FZD3: variants seen among roughly 807,000 people sequenced by gnomAD.
The protein encoded by FZD3 is frizzled-3.
A neutral mutation model predicts 60.7 loss-of-function variants in FZD3; 30 were observed. That is an observed-to-expected ratio of 0.49 (90% confidence interval 0.37 to 0.67). The LOEUF (loss-of-function observed/expected upper bound fraction) is 0.67, where lower values mean the gene tolerates loss of function less well. Ranked by LOEUF, FZD3 falls within the 30% of genes least tolerant of loss-of-function variation. FZD3 has a pLI of 0.00. For synonymous variants in FZD3, 246 were observed against 275.2 expected (o/e 0.89, Z 1.05); for missense variants, 605 against 838.7 (o/e 0.72, Z 3.44).
At chr8:28,500,819 G>A (rs1803970266) in intron 2 of FZD3, among the ~76,000 whole-genome samples, 1 of 151,994 alleles carries the variant, frequency 6.6e-6, no homozygotes, top group Admixed American at 6.6e-5. Context: ...GGAGTGCAAT[G>A]GCATGATCTC....
At chr8:28,530,501 A>T (rs1010582777) in intron 5 of FZD3, 1 of 152,170 alleles carries the variant, frequency 6.6e-6, no homozygotes, top group African/African-American at 2.4e-5. Context: ...GGATGGGAGC[A>T]GTGTGGCTAC....
chr8:28,523,680 T>A (rs1386544262), intron 4 of FZD3, among the ~76,000 whole-genome samples: 1 of 151,988 alleles, frequency 6.6e-6, no homozygotes, highest in Non-Finnish European at 1.5e-5. Context: ...TAAGCAGGCC[T>A]CCTAAAGTGC....
chr8:28,560,051 G>A (rs1448676902), intron 7 of FZD3, among the ~76,000 whole-genome samples: 4 of 152,368 alleles, frequency 2.6e-5, no homozygotes, highest in Non-Finnish European at 5.9e-5. Flanking sequence ...GGGAATGAAT[G>A]ATTAGGTTGG....
intron 1 of FZD3, among the ~76,000 whole-genome samples, chr8:28,495,045 A>G (rs1419653938): frequency 6.6e-6 from 1 of 152,256 alleles, no homozygotes; most frequent in Non-Finnish European, 1.5e-5. Context: ...GAGGGTCCGC[A>G]TCTGAAATGA....
At chr8:28,536,768 C>G (rs1454467790) in intron 5 of FZD3, among the ~76,000 whole-genome samples, 1 of 152,120 alleles carries the variant, frequency 6.6e-6, no homozygotes, top group Non-Finnish European at 1.5e-5. Context: ...TCTGAGCACA[C>G]AAGGCATCCC....
chr8:28,566,820 T>A lies in FZD3; in HGVS notation c.*3809T>A, dbSNP rs781246874. On this transcript the variant is annotated 3_prime_UTR_variant, in exon 8 of 8. Coordinates refer to ENST00000240093, the MANE Select transcript of FZD3 (RefSeq NM_017412.4). ...CCTGGGATTGGAATTTTAAGACTCA[T>A]GATGTCAACTGGGCTGGTCATTTTA... 1 of 152,196 alleles carries A rather than the reference T, an allele frequency of 6.6e-6. No individual in the cohort carries two copies. Among genetic ancestry groups the A allele is most frequent in the Non-Finnish European group, 1.5e-5 (1 of 68,026 alleles). The allele number at this position is 152,196 out of a possible 1,614,324, so 9.4% of individuals were successfully genotyped here.
intron 7 of FZD3, among the ~76,000 whole-genome samples, chr8:28,558,436 AT>A (rs34004990): frequency 1.6e-3 from 237 of 147,404 alleles, no homozygotes; most frequent in African/African-American, 4.7e-3. Flanking sequence ...TTATTTATTT[AT>A]TTTTTTTTTT....
chr8:28,527,904 T>A lies in FZD3; in HGVS notation c.1144T>A (p.Tyr382Asn). ...RYFVLAPLCL[Y>N]VVVGVSLLLA... Reference sequence around the variant, plus strand: ...TTTTGTTCTTGCTCCCCTCTGCCTGTATGTGGTAGTTGGGGTTTCTCTCCT... The same window carrying A: ...TTTTGTTCTTGCTCCCCTCTGCCTGAATGTGGTAGTTGGGGTTTCTCTCCT... Residue 382 changes from tyrosine (Y) to asparagine (N), a missense_variant, in exon 5 of 8, where the codon TAT becomes AAT. Tyr to Asn is a moderately radical substitution (Grantham distance 143). Transcript: ENST00000240093. This position sits in a 1 kb window ranked among gnomAD's most constrained non-coding sequence, Gnocchi z 5.0. 1 of 1,614,098 alleles carries A rather than the reference T, an allele frequency of 6.2e-7. No individual in the cohort carries two copies. Among genetic ancestry groups the A allele is most frequent in the Non-Finnish European group, 8.5e-7 (1 of 1,179,960 alleles).
intron 1 of FZD3, among the ~76,000 whole-genome samples, chr8:28,499,454 G>T (rs1163231704): frequency 2.6e-5 from 4 of 151,634 alleles, no homozygotes; most frequent in Non-Finnish European, 4.4e-5. Context: ...AGCTTTTAGG[G>T]TTTTTTTTGT....
intron 6 of FZD3, among the ~76,000 whole-genome samples, chr8:28,554,264 A>T (rs1452777981): frequency 2.6e-5 from 4 of 152,238 alleles, no homozygotes; most frequent in Admixed American, 6.5e-5. Context: ...GAGGTGAGTT[A>T]AATTTTTGTA....
intron 5 of FZD3, among the ~76,000 whole-genome samples, chr8:28,537,860 C>T (rs959147659): frequency 3.3e-5 from 5 of 151,770 alleles, no homozygotes; most frequent in African/African-American, 9.7e-5. Flanking sequence ...CTCACGCCTG[C>T]GATCCCAGCA....
intron 3 of FZD3, among the ~76,000 whole-genome samples, chr8:28,514,469 C>CAG (rs1804371605): frequency 6.6e-6 from 1 of 152,134 alleles, no homozygotes; most frequent in South Asian, 2.1e-4. Flanking sequence ...TCCTGTGAAA[C>CAG]CATCACCACA....
At chr8:28,501,665 C>CCTCT (rs1803997920) in intron 2 of FZD3, among the ~76,000 whole-genome samples, 1 of 152,162 alleles carries the variant, frequency 6.6e-6, no homozygotes, top group Admixed American at 6.5e-5. Flanking sequence ...CCACCCACAC[C>CCTCT]CTCTCAGCTG....
intron 4 of FZD3, among the ~76,000 whole-genome samples, chr8:28,526,118 A>G (rs1804709017): frequency 6.6e-6 from 1 of 152,140 alleles, no homozygotes; most frequent in Admixed American, 6.6e-5. Context: ...AAATATATCC[A>G]TAGATATATT....
chr8:28,558,503 T>C (rs1310475694), intron 7 of FZD3, among the ~76,000 whole-genome samples: 2 of 152,014 alleles, frequency 1.3e-5, no homozygotes, highest in Non-Finnish European at 2.9e-5. Context: ...CTATCTCAGC[T>C]CACTGCAACC....
chr8:28,521,734 T>C (rs1412845931), intron 4 of FZD3, among the ~76,000 whole-genome samples: 2 of 152,224 alleles, frequency 1.3e-5, no homozygotes, highest in African/African-American at 4.8e-5. Flanking sequence ...TGTATCTATC[T>C]ATGTTTGTAC....
At chr8:28,525,910 C>G (rs62502459) in intron 4 of FZD3, among the ~76,000 whole-genome samples, 94,768 of 151,650 alleles carry the variant, frequency 0.62, 30,012 homozygotes, top group African/African-American at 0.71. Flanking sequence ...TGGTAGATTT[C>G]ATAGGTATAT....
chr8:28,546,973 A>T (rs1467687982), intron 5 of FZD3, among the ~76,000 whole-genome samples: 1 of 151,984 alleles, frequency 6.6e-6, no homozygotes, highest in Non-Finnish European at 1.5e-5. Context: ...CCGTCTCAAA[A>T]AAAAAAAAAA....
rs114159945 is a variant in FZD3 at position 28,559,041 on chromosome 8, G to A, written c.1787+3070G>A. Among the ~76,000 whole-genome samples, 495 of 152,310 alleles carry A rather than the reference G, an allele frequency of 3.2e-3. 5 individuals carry two copies. Among genetic ancestry groups the A allele is most frequent in the African/African-American group, 0.011 (461 of 41,576 alleles). On this transcript the variant is annotated intron_variant, in intron 7 of 7. Transcript: ENST00000240093. ...ATGTAGAACTGCAGGAAAGAGAAAG[G>A]TCAGATTGGTTCGTGAAAGTATCTT...
Sources: gnomAD v4.1 joint callset for allele counts (sites outside exome capture counted in the v4.1 genomes callset) on GRCh38, gnomAD v4.1.1 for gene constraint, Gnocchi (gnomAD v3.1) non-coding constraint, MANE v1.5 for transcripts, NCBI Gene and HGNC (gene_info 2026-07-23, HGNC 2026-07-21) for gene names.